IL1RL1: variants seen among roughly 807,000 people sequenced by gnomAD.
IL1RL1 encodes the protein interleukin-1 receptor-like 1.
A neutral mutation model predicts 50.9 loss-of-function variants in IL1RL1; 32 were observed. That is an observed-to-expected ratio of 0.63 (90% CI 0.47 to 0.84). The LOEUF is 0.84. Among genes scored for constraint, IL1RL1 ranks in the 40% least tolerant of loss-of-function variants. IL1RL1 has a pLI of 0.00. For synonymous variants in IL1RL1, 275 were observed against 236.0 expected, an observed-to-expected ratio of 1.17 and a Z score of -1.51; for missense variants, 773 against 662.9, an observed-to-expected ratio of 1.17 and a Z score of -1.82.
chr2:102,341,749 A>C (rs1318503529), intron 5 of IL1RL1, among the ~76,000 whole-genome samples: 3 of 152,208 alleles, frequency 2.0e-5, no homozygotes, highest in Non-Finnish European at 4.4e-5. Flanking sequence ...TTTCAGCCTT[A>C]GTGGTCACAG....
intron 8 of IL1RL1, chr2:102,345,370 G>A (rs1677746209): frequency 1.0e-6 from 1 of 985,290 alleles, no homozygotes; most frequent in Non-Finnish European, 1.2e-6. Context: ...GCTATATGAA[G>A]CATTGTATCC....
At chr2:102,314,809 G>T (rs1054436196) in intron 1 of IL1RL1, among the ~76,000 whole-genome samples, 1 of 152,198 alleles carries the variant, frequency 6.6e-6, no homozygotes, top group East Asian at 1.9e-4. Context: ...GGAGCTGACT[G>T]CAAAGAAACA....
rs1463773854 is a variant in IL1RL1 at position 102,343,115 on chromosome 2, T to C, written c.762T>C (p.Asn254=). The change falls in exon 7 of 11, where the codon AAT becomes AAC. Residue 254 remains asparagine (N), a synonymous_variant. Coordinates refer to ENST00000233954, the MANE Select transcript of IL1RL1 (RefSeq NM_016232.5). The stretch of plus-strand genomic sequence containing the variant: ...TGGCTGCCGTCCTGTGGCAGCTTAA[T>C]GGAACAAAAATTACAGACTTTGGTG... ...QFLAAVLWQL[N]GTKITDFGEP... 7 of 1,613,994 alleles carry C rather than the reference T, an allele frequency of 4.3e-6. 1 individual carries two copies. In the African/African-American group the frequency reaches 8.0e-5, roughly 18 times the overall value.
At chr2:102,325,235 C>A (rs1371015666) in intron 1 of IL1RL1, among the ~76,000 whole-genome samples, 1 of 152,172 alleles carries the variant, frequency 6.6e-6, no homozygotes, top group Non-Finnish European at 1.5e-5. Flanking sequence ...GATACCCAGG[C>A]AAACAGGGTC....
intron 1 of IL1RL1, among the ~76,000 whole-genome samples, chr2:102,322,571 T>A (rs1380054122): frequency 6.6e-6 from 1 of 152,138 alleles, no homozygotes; most frequent in Non-Finnish European, 1.5e-5. Flanking sequence ...TGAATCTGGG[T>A]CTCCCGACTT....
At chr2:102,342,731 C>A (rs1331559753) in intron 6 of IL1RL1, among the ~76,000 whole-genome samples, 1 of 152,110 alleles carries the variant, frequency 6.6e-6, no homozygotes, top group Non-Finnish European at 1.5e-5. Context: ...AGAGGGCAAT[C>A]CTTTTACTAG....
At chr2:102,326,371 A>G (rs1559597679) in intron 1 of IL1RL1, among the ~76,000 whole-genome samples, 1 of 152,170 alleles carries the variant, frequency 6.6e-6, no homozygotes, top group Non-Finnish European at 1.5e-5. Flanking sequence ...ATGGAAAGGA[A>G]CAACCGGTAC....
In IL1RL1 at chr2:102,335,376, T is replaced by C. The variant is rs117310420; in HGVS notation, c.-149-2740T>C. On this transcript the variant is annotated intron_variant, in intron 1 of 10. Coordinates refer to ENST00000233954, the MANE Select transcript of IL1RL1 (RefSeq NM_016232.5). ...TATAGAGAATGTTCTCTTTTTTTAG[T>C]TGACATTGGGGGGAGAAAAGCTTGA... 4.2e-3 allele frequency among the ~76,000 whole-genome samples: 514 copies of C among 121,738 alleles called. 19 individuals are homozygous for C. The East Asian group carries it at 0.097, about 23-fold the overall frequency. The allele number at this position is 121,738 out of a possible 152,430, so 79.9% of individuals were successfully genotyped here.
rs75258881 is a variant in IL1RL1, at chr2:102,339,064, T to A, written c.272+17T>A. 1 of 1,527,926 alleles carries A rather than the reference T, an allele frequency of 6.5e-7. No individual in the cohort carries two copies. The allele number at this position is 1,527,926 out of a possible 1,614,324, so 94.6% of individuals were successfully genotyped here. ...TGTCAGAAGGTATTATGCAGAAGGC[T>A]CCCATCTTCTTTCACCCTGCTCCCC... On this transcript the variant is annotated intron_variant, in intron 3 of 10. Coordinates refer to ENST00000233954, the MANE Select transcript of IL1RL1 (RefSeq NM_016232.5).
At chr2:102,346,431 T>A (rs1677786970) in intron 8 of IL1RL1, among the ~76,000 whole-genome samples, 1 of 152,314 alleles carries the variant, frequency 6.6e-6, no homozygotes, top group Non-Finnish European at 1.5e-5. Flanking sequence ...CAGAAAGTAA[T>A]GTTTTGTCAT....
intron 1 of IL1RL1, among the ~76,000 whole-genome samples, chr2:102,329,241 G>T (rs1677103762): frequency 1.3e-5 from 2 of 152,162 alleles, no homozygotes; most frequent in Non-Finnish European, 1.5e-5. Flanking sequence ...AATGGGGAAA[G>T]GATTCCCTAT....
chr2:102,329,698 C>G (rs1463848829), intron 1 of IL1RL1, among the ~76,000 whole-genome samples: 2 of 152,280 alleles, frequency 1.3e-5, no homozygotes, highest in Non-Finnish European at 2.9e-5. Flanking sequence ...AGACACTTCT[C>G]AAAATAAGAC....
In IL1RL1 at chr2:102,343,371, A is replaced by G. The variant is rs761457425; in HGVS notation, c.926A>G (p.His309Arg). The change falls in exon 8 of 11, where the codon CAT (histidine) becomes CGT (arginine). Residue 309 changes from histidine to arginine, a missense_variant. By Grantham distance (29) the His-to-Arg change is conservative. Coordinates refer to ENST00000233954, the MANE Select transcript of IL1RL1 (RefSeq NM_016232.5). ...LQYDCLALNLHGLRRHTVRLS... is the reference protein window; with the variant it reads ...LQYDCLALNLRGLRRHTVRLS... Reference sequence around the variant, plus strand: ...TACGACTGTCTGGCCCTGAATTTGCATGGCTTGAGAAGGCACACCGTAAGA... The same window carrying G: ...TACGACTGTCTGGCCCTGAATTTGCGTGGCTTGAGAAGGCACACCGTAAGA... 3 of 1,614,216 alleles carry G rather than the reference A, an allele frequency of 1.9e-6. No individual in the cohort carries two copies. Among genetic ancestry groups the G allele is most frequent in the Admixed American group, 3.3e-5 (2 of 60,028 alleles).
chr2:102,329,943 G>A (rs989411733), intron 1 of IL1RL1, among the ~76,000 whole-genome samples: 103 of 152,158 alleles, frequency 6.8e-4, no homozygotes, highest in Non-Finnish European at 1.0e-3. Flanking sequence ...ATTCCTCAGG[G>A]ATCTAGAACT....
intron 1 of IL1RL1, among the ~76,000 whole-genome samples, chr2:102,320,649 C>T (rs1676808431): frequency 6.6e-6 from 1 of 152,110 alleles, no homozygotes; most frequent in Admixed American, 6.5e-5. Context: ...AATTCAGTAA[C>T]TAGCAACCCT....
At chr2:102,317,093 G>A (rs769369359) in intron 1 of IL1RL1, among the ~76,000 whole-genome samples, 25 of 152,148 alleles carry the variant, frequency 1.6e-4, no homozygotes, top group Non-Finnish European at 1.2e-4. Context: ...GGTGGCTCAC[G>A]CCTGTAATTC....
chr2:102,322,989 A>G (rs1220017788), intron 1 of IL1RL1, among the ~76,000 whole-genome samples: 2 of 152,160 alleles, frequency 1.3e-5, no homozygotes, highest in South Asian at 2.1e-4. Context: ...TCAGAGTTAC[A>G]TAACATGATG....
intron 6 of IL1RL1, 77 bp from the exon 7 acceptor site, chr2:102,342,959 T>G: frequency 6.8e-7 from 1 of 1,461,410 alleles, no homozygotes; most frequent in Non-Finnish European, 9.4e-7. Flanking sequence ...CAGTAAGGTT[T>G]TTTTTTTACA....
chr2:102,320,033 T>C (rs1412488367), intron 1 of IL1RL1, among the ~76,000 whole-genome samples: 25 of 152,222 alleles, frequency 1.6e-4, no homozygotes, highest in Non-Finnish European at 1.5e-5. Context: ...TTATTCTCTT[T>C]CTGTTACCTT....
Sources: gnomAD v4.1 joint callset for allele counts (sites outside exome capture counted in the v4.1 genomes callset) on GRCh38, gnomAD v4.1.1 for gene constraint, MANE v1.5 for transcripts, NCBI Gene and HGNC (gene_info 2026-07-23, HGNC 2026-07-21) for gene names.